ZMYM2: variants seen among roughly 807,000 people sequenced by gnomAD.
ZMYM2 encodes zinc finger MYM-type containing 2, also known as zinc finger MYM-type protein 2.
ZMYM2 carries 56 observed loss-of-function variants against 162.8 expected under a neutral mutation model. The ratio of observed to expected loss-of-function variants is 0.34; its 90% confidence interval spans 0.28 to 0.43. The LOEUF (loss-of-function observed/expected upper bound fraction) is 0.43. Among genes scored for constraint, ZMYM2 ranks in the 20% least tolerant of loss-of-function variants. ZMYM2 has a pLI of 1.00. For missense variants in ZMYM2, 1,275 were observed against 1,621.8 expected, an observed-to-expected ratio of 0.79 and a Z score of 3.67; for synonymous variants, 510 against 541.6, an observed-to-expected ratio of 0.94 and a Z score of 0.81.
At position 20,067,365 on chromosome 13, in the gene ZMYM2, A is replaced by T; in HGVS notation, c.3428A>T (p.Tyr1143Phe). Residue 1143 changes from tyrosine to phenylalanine, a missense_variant, in exon 21 of 25, where the codon TAT (tyrosine) becomes TTT (phenylalanine). Transcript: ENST00000610343. ...GAGAATTATGCACCTGACAGCATCT[A>T]TTACCTTTGCCTTGGAATACAGGAG... is the stretch of plus-strand genomic sequence containing the variant. ...NGENYAPDSIYYLCLGIQEYL... is the reference protein window; with the variant it reads ...NGENYAPDSIFYLCLGIQEYL... The T allele has an allele frequency of 6.2e-7, 1 of 1,610,362 alleles. No homozygotes were observed. The highest frequency in any genetic ancestry group is 8.5e-7 in the Non-Finnish European group (1 of 1,177,910).
chr13:19,867,594 A>G, the ZMYM2 span, among the ~76,000 whole-genome samples: 1 of 152,200 alleles, frequency 6.6e-6, no homozygotes, highest in East Asian at 1.9e-4. Flanking sequence ...ACTGGTTGCT[A>G]TATTTTTAAA....
At position 20,034,314 on chromosome 13, in the gene ZMYM2, A is replaced by T. The variant is rs769217602; in HGVS notation, c.2029A>T (p.Ile677Leu). ...CSDDYKKLHC[I>L]VTYCEYCQEE... ...AGATGACTATAAGAAGTTGCATTGC[A>T]TAGTTACATATTGCGAATACTGTCA... is the stretch of plus-strand genomic sequence containing the variant. Residue 677 changes from isoleucine to leucine, a missense_variant, in exon 11 of 25, where the codon ATA (isoleucine) becomes TTA (leucine). Transcript: ENST00000610343. 1.9e-6 allele frequency: 3 copies of T among 1,611,646 alleles called. No individual in the cohort carries two copies. The highest frequency in any genetic ancestry group is 4.5e-5 in the East Asian group (2 of 44,784).
the ZMYM2 span, among the ~76,000 whole-genome samples, chr13:19,901,719 C>G: frequency 1.3e-5 from 2 of 152,102 alleles, no homozygotes; most frequent in Non-Finnish European, 2.9e-5. Flanking sequence ...TCGTGATCCA[C>G]CCACCTCGGC....
intron 2 of ZMYM2, among the ~76,000 whole-genome samples, chr13:19,991,724 G>A (rs1264670597): frequency 1.3e-5 from 2 of 148,170 alleles, no homozygotes; most frequent in Admixed American, 6.9e-5. Flanking sequence ...TCAAACTCCC[G>A]GCCTCAGATG....
chr13:19,930,066 T>G, the ZMYM2 span, among the ~76,000 whole-genome samples: 1 of 152,140 alleles, frequency 6.6e-6, no homozygotes, highest in Non-Finnish European at 1.5e-5. Context: ...GAGACCAACC[T>G]GGGCAACATG....
chr13:19,911,400 AG>A, the ZMYM2 span, among the ~76,000 whole-genome samples: 27 of 152,252 alleles, frequency 1.8e-4, no homozygotes, highest in African/African-American at 6.3e-4. Flanking sequence ...CTAGAACCCT[AG>A]GAATGAAAGA....
In ZMYM2 at chr13:20,058,577, T is replaced by C. The variant is rs1418311040; in HGVS notation, c.2496T>C (p.Gly832=). 7.4e-6 allele frequency: 12 copies of C among 1,613,372 alleles called. No homozygotes were observed. The highest frequency in any genetic ancestry group is 8.5e-7 in the Non-Finnish European group (1 of 1,179,666). Reference sequence around the variant, plus strand: ...TGTTTCTCTTTGCTTCTCCATAGGGTTCAGCACCACCCCCTTCTCCAACAC... The same window carrying C: ...TGTTTCTCTTTGCTTCTCCATAGGGCTCAGCACCACCCCCTTCTCCAACAC... The part of the protein sequence containing the change: ...GCQTSRTKMT[G]SAPPPSPTPN... The change falls in exon 15 of 25, where the codon GGT becomes GGC. Residue 832 remains glycine, a splice_region_variant and synonymous_variant. Coordinates refer to ENST00000610343, the MANE Select transcript of ZMYM2 (RefSeq NM_197968.4).
chr13:19,942,754 A>G, the ZMYM2 span, among the ~76,000 whole-genome samples: 1 of 152,024 alleles, frequency 6.6e-6, no homozygotes, highest in African/African-American at 2.4e-5. Flanking sequence ...AATAGCTCAT[A>G]ATTTTTTAAT....
intron 4 of ZMYM2, among the ~76,000 whole-genome samples, chr13:20,004,712 C>T: frequency 6.6e-6 from 1 of 152,174 alleles, no homozygotes; most frequent in East Asian, 1.9e-4. Flanking sequence ...TTACTTTCTA[C>T]TTATCCAGGG....
At chr13:19,949,077 G>A in the ZMYM2 span, among the ~76,000 whole-genome samples, 1 of 149,404 alleles carries the variant, frequency 6.7e-6, no homozygotes, top group African/African-American at 2.5e-5. Context: ...GACCAGCCTG[G>A]GTAACATGGC....
At chr13:20,078,368 A>G (rs928499826) in intron 21 of ZMYM2, among the ~76,000 whole-genome samples, 1 of 152,170 alleles carries the variant, frequency 6.6e-6, no homozygotes, top group Admixed American at 6.5e-5. Flanking sequence ...AATGTCTTAT[A>G]TTCCCAATAT....
intron 12 of ZMYM2, among the ~76,000 whole-genome samples, chr13:20,041,227 A>T (rs955771413): frequency 3.3e-5 from 5 of 152,296 alleles, no homozygotes; most frequent in Admixed American, 2.6e-4. Context: ...AACTTCCTTT[A>T]TGAATCTGGG....
intron 2 of ZMYM2, among the ~76,000 whole-genome samples, chr13:19,979,334 T>C (rs1174636158): frequency 6.6e-6 from 1 of 152,184 alleles, no homozygotes; most frequent in Non-Finnish European, 1.5e-5. Flanking sequence ...TTCAAATGTT[T>C]TGTTAACTTT....
intron 2 of ZMYM2, among the ~76,000 whole-genome samples, chr13:19,972,593 A>C (rs1401249602): frequency 6.6e-6 from 1 of 152,022 alleles, no homozygotes; most frequent in Non-Finnish European, 1.5e-5. Context: ...CTTTTGATGG[A>C]CAGTCTGTTT....
chr13:19,904,201 T>TTG, the ZMYM2 span, among the ~76,000 whole-genome samples: 231 of 151,926 alleles, frequency 1.5e-3, no homozygotes, highest in Admixed American at 3.9e-3. Context: ...ATTTTTTTTT[T>TTG]AATCATCTTT....
At chr13:20,045,226 G>T (rs1007145214) in intron 12 of ZMYM2, among the ~76,000 whole-genome samples, 20 of 152,032 alleles carry the variant, frequency 1.3e-4, no homozygotes, top group Non-Finnish European at 2.6e-4. Context: ...GAGTTCTGGG[G>T]CAGTTCTTTA....
In ZMYM2 at chr13:20,051,532, C is replaced by T. The variant is rs768588023; in HGVS notation, c.2392C>T (p.Arg798Cys). Residue 798 changes from arginine to cysteine, a missense_variant, in exon 13 of 25, where the codon CGT becomes TGT. Physicochemically the swap from Arg to Cys is radical, Grantham distance 180 (BLOSUM62 -3). Around this residue, in one of 10 missense-constraint regions of ZMYM2, gnomAD observed 177 missense variants for 228.0 expected, o/e 0.78. Transcript: ENST00000610343. The part of the protein sequence containing the change: ...KHFCDQHCLL[R>C]FYCQQNEPNM... ...TTTCTGTGATCAACATTGCTTACTGCGTTTCTACTGTCAACAAAATGAGCC... is the reference window on the plus strand; with the variant it reads ...TTTCTGTGATCAACATTGCTTACTGTGTTTCTACTGTCAACAAAATGAGCC... The T allele has an allele frequency of 6.2e-6, 10 of 1,613,442 alleles. No homozygotes were observed. Among genetic ancestry groups the T allele is most frequent in the Admixed American group, 3.3e-5 (2 of 59,950 alleles).
the ZMYM2 span, among the ~76,000 whole-genome samples, chr13:19,903,266 C>G: frequency 6.6e-6 from 1 of 151,912 alleles, no homozygotes. Flanking sequence ...GAGGTCAAGG[C>G]TGCAGTGAGC....
At chr13:20,036,685 A>G in intron 11 of ZMYM2, 52 bp from the exon 12 acceptor site, 1 of 1,383,136 alleles carries the variant, frequency 7.2e-7, no homozygotes, top group South Asian at 1.8e-5. Flanking sequence ...CTGCTCAATA[A>G]TTAGTTTTCA....
Sources: gnomAD v4.1 joint callset for allele counts (sites outside exome capture counted in the v4.1 genomes callset) on GRCh38, gnomAD v4.1.1 for gene constraint, gnomAD v4.1.1 regional missense constraint, MANE v1.5 for transcripts, NCBI Gene and HGNC (gene_info 2026-07-23, HGNC 2026-07-21) for gene names.